The following CNIH3 variants were observed in gnomAD, a reference collection of about 807,000 sequenced individuals.
CNIH3 encodes cornichon family AMPA receptor auxiliary protein 3, also known as protein cornichon homolog 3.
A neutral mutation model predicts 24.1 loss-of-function variants in CNIH3; 14 were observed. The observed-to-expected ratio is 0.58, with a 90% CI of 0.38 to 0.91. CNIH3 has a LOEUF of 0.91. Ranked by LOEUF, CNIH3 falls within the 40% of genes least tolerant of loss-of-function variation. The probability of loss-of-function intolerance (pLI) is 0.00; values close to 1 mark genes in which losing one functional copy is unlikely to be tolerated. For missense variants in CNIH3, 178 were observed against 196.8 expected (o/e 0.90, Z 0.57); for synonymous variants, 68 against 73.8 (o/e 0.92, Z 0.40).
chr1:224,697,205 G>A (rs979615263), intron 3 of CNIH3, among the ~76,000 whole-genome samples: 2 of 152,234 alleles, frequency 1.3e-5, no homozygotes, highest in Non-Finnish European at 2.9e-5. Context: ...AGTGCCCAGT[G>A]GGGGAGCATT....
At chr1:224,563,669 T>A (rs756808400) in intron 3 of CNIH3, among the ~76,000 whole-genome samples, 9 of 152,212 alleles carry the variant, frequency 5.9e-5, no homozygotes, top group Non-Finnish European at 1.5e-5. Context: ...TGGCTGCTGT[T>A]CAGTACGGAT....
chr1:224,591,935 C>G (rs1681773337), downstream of CNIH3, among the ~76,000 whole-genome samples: 1 of 152,114 alleles, frequency 6.6e-6, no homozygotes, highest in Admixed American at 6.5e-5. Context: ...GGTCTGATAC[C>G]AGGAAGCAAT....
At chr1:224,532,112 G>A (rs1221490233) in intron 2 of CNIH3, among the ~76,000 whole-genome samples, 3 of 152,136 alleles carry the variant, frequency 2.0e-5, no homozygotes, top group Admixed American at 1.3e-4. Context: ...ACAAAATAGA[G>A]GAGGGTAAGG....
chr1:224,738,179 A>G (rs922154794), intron 5 of CNIH3, among the ~76,000 whole-genome samples: 3 of 152,228 alleles, frequency 2.0e-5, no homozygotes, highest in Non-Finnish European at 4.4e-5. Flanking sequence ...GCTTAGCTGT[A>G]TGCTTCCTCA....
At chr1:224,500,478 C>A (rs1249919753) in intron 1 of CNIH3, among the ~76,000 whole-genome samples, 4 of 152,098 alleles carry the variant, frequency 2.6e-5, no homozygotes, top group African/African-American at 7.2e-5. Context: ...TGGAAACCAG[C>A]CTGGCCAACA....
At chr1:224,533,477 A>G (rs1044033676) in intron 2 of CNIH3, among the ~76,000 whole-genome samples, 7 of 152,148 alleles carry the variant, frequency 4.6e-5, no homozygotes, top group African/African-American at 1.7e-4. Context: ...TTTTGTAACA[A>G]ATCACCACAA....
intron 1 of CNIH3, among the ~76,000 whole-genome samples, chr1:224,674,272 G>GTTTTTTTTTTTTTTTTTTTTT (rs71170028): frequency 5.5e-5 from 4 of 72,080 alleles, no homozygotes; most frequent in African/African-American, 1.6e-4. Context: ...TTCCAGGAAG[G>GTTTTTTTTTTTTTTTTTTTTT]TTTTTTTTTT....
intron 1 of CNIH3, among the ~76,000 whole-genome samples, chr1:224,642,371 A>G (rs1296100241): frequency 2.0e-5 from 3 of 152,140 alleles, no homozygotes; most frequent in Admixed American, 6.5e-5. Flanking sequence ...CTGGGACTAC[A>G]GGCATATGCC....
At chr1:224,546,657 T>G (rs1177884892) in intron 2 of CNIH3, among the ~76,000 whole-genome samples, 1 of 152,090 alleles carries the variant, frequency 6.6e-6, no homozygotes, top group Admixed American at 6.6e-5. Context: ...CCAGAGAAAA[T>G]TTATGTAAAA....
chr1:224,707,368 T>C (rs1687877543), intron 3 of CNIH3, among the ~76,000 whole-genome samples: 1 of 152,106 alleles, frequency 6.6e-6, no homozygotes, highest in Non-Finnish European at 1.5e-5. Context: ...CAAAACACAC[T>C]TCAACCACCC....
chr1:224,681,111 T>G, intron 2 of CNIH3, 85 bp downstream of exon 2: 1 of 1,128,436 alleles, frequency 8.9e-7, no homozygotes, highest in Admixed American at 1.7e-5. Context: ...TGTGAATGAT[T>G]TGAATGCGTA....
At chr1:224,463,605 C>T (rs1003164391) in intron 1 of CNIH3, among the ~76,000 whole-genome samples, 1 of 151,184 alleles carries the variant, frequency 6.6e-6, no homozygotes, top group Non-Finnish European at 1.5e-5. Context: ...CGAGGTTTCT[C>T]CATGTTGGTT....
chr1:224,446,476 A>C (rs1483604016), intron 1 of CNIH3, among the ~76,000 whole-genome samples: 1 of 152,022 alleles, frequency 6.6e-6, no homozygotes, highest in African/African-American at 2.4e-5. Context: ...TCTGTGTAGA[A>C]GTCTTGTACA....
At chr1:224,574,739 G>A (rs1680963244) in intron 4 of CNIH3, 5 of 1,195,124 alleles carry the variant, frequency 4.2e-6, no homozygotes, top group Admixed American at 1.7e-5. Flanking sequence ...ACCTGAAGCT[G>A]GACTACCTGG....
At chr1:224,603,563 C>T (rs1440795818) in intron 3 of CNIH3, among the ~76,000 whole-genome samples, 1 of 152,126 alleles carries the variant, frequency 6.6e-6, no homozygotes, top group Non-Finnish European at 1.5e-5. Flanking sequence ...ATGTTGGTCT[C>T]CCACAAAGCT....
At chr1:224,625,276 G>A (rs778945445) in intron 1 of CNIH3, among the ~76,000 whole-genome samples, 6 of 152,174 alleles carry the variant, frequency 3.9e-5, no homozygotes, top group Admixed American at 2.0e-4. Flanking sequence ...TTGTCCGGGC[G>A]TGGTGGCTCA....
chr1:224,494,058 C>T (rs1252191572), intron 1 of CNIH3, among the ~76,000 whole-genome samples: 1 of 152,164 alleles, frequency 6.6e-6, no homozygotes, highest in East Asian at 1.9e-4. Flanking sequence ...GTAATAATGT[C>T]TTTCAGTCTT....
At chr1:224,725,797 A>C (rs1688992532) in intron 3 of CNIH3, among the ~76,000 whole-genome samples, 1 of 152,112 alleles carries the variant, frequency 6.6e-6, no homozygotes, top group African/African-American at 2.4e-5. Context: ...CAGGAGCATT[A>C]TTCCCTTGCT....
At chr1:224,543,818 T>C (rs1297761559) in intron 2 of CNIH3, among the ~76,000 whole-genome samples, 1 of 152,266 alleles carries the variant, frequency 6.6e-6, no homozygotes, top group South Asian at 2.1e-4. Context: ...TGCTTTGCAC[T>C]TGCTCTTTCC....
Sources: allele counts gnomAD v4.1 joint callset (sites outside exome capture counted in the v4.1 genomes callset), GRCh38; gene constraint gnomAD v4.1.1; transcripts MANE v1.5; gene names NCBI Gene and HGNC (gene_info 2026-07-23, HGNC 2026-07-21).